Variants in DOCK5 observed in about 807,000 individuals in gnomAD.
The protein encoded by DOCK5 is dedicator of cytokinesis 5.
In DOCK5, 142 loss-of-function variants were observed where a neutral mutation model predicts 251.8. That is an observed-to-expected ratio of 0.56 (90% CI 0.49 to 0.65). The LOEUF is 0.65. Among genes scored for constraint, DOCK5 ranks in the 30% least tolerant of loss-of-function variants. The pLI is 0.00. For missense variants in DOCK5, 2,111 were observed against 2,312.3 expected, an observed-to-expected ratio of 0.91 and a Z score of 1.79; for synonymous variants, 842 against 835.5, an observed-to-expected ratio of 1.01 and a Z score of -0.13.
rs758994229 is a variant in DOCK5 at position 25,310,543 on chromosome 8, T to C, written c.1318+11T>C. On this transcript the variant is annotated intron_variant, in intron 13 of 51. Coordinates refer to ENST00000276440, the MANE Select transcript of DOCK5 (RefSeq NM_024940.8). ...AAATCATACTGCCAGGTAAGCACTTTGCATGGCTCACCTGTTTGCTTCCTC... is the reference window on the plus strand; with the variant it reads ...AAATCATACTGCCAGGTAAGCACTTCGCATGGCTCACCTGTTTGCTTCCTC... 3.1e-6 allele frequency: 5 copies of C among 1,602,024 alleles called. No homozygotes were observed. The highest frequency in any genetic ancestry group is 1.7e-4 in the Middle Eastern group (1 of 6,000).
intron 40 of DOCK5, among the ~76,000 whole-genome samples, chr8:25,386,736 C>T (rs1280775368): frequency 6.6e-6 from 1 of 152,196 alleles, no homozygotes; most frequent in Non-Finnish European, 1.5e-5. Flanking sequence ...CCCATGAAAT[C>T]AGAAATGTGA....
intron 23 of DOCK5, 54 bp downstream of exon 23, chr8:25,341,042 T>G: frequency 7.1e-7 from 1 of 1,406,398 alleles, no homozygotes; most frequent in Non-Finnish European, 9.9e-7. Context: ...AAGGATGTTC[T>G]GGGACCGCTT....
At chr8:25,243,109 C>T (rs956351521) in intron 1 of DOCK5, among the ~76,000 whole-genome samples, 1 of 152,172 alleles carries the variant, frequency 6.6e-6, no homozygotes, top group African/African-American at 2.4e-5. Context: ...TTTCTTCCTT[C>T]CACTCAACTG....
chr8:25,410,988 CA>C, intron 51 of DOCK5, among the ~76,000 whole-genome samples: 1 of 109,470 alleles, frequency 9.1e-6, no homozygotes, highest in South Asian at 3.0e-4. Context: ...CGCGCGCACG[CA>C]CGCACGCACG....
chr8:25,336,056 G>A (rs1199406571), intron 21 of DOCK5, among the ~76,000 whole-genome samples, 183 bp from the exon 22 acceptor site: 2 of 152,200 alleles, frequency 1.3e-5, no homozygotes, highest in Non-Finnish European at 2.9e-5. Context: ...TCCAAACCTA[G>A]ATGGCAGATG....
At position 25,372,688 on chromosome 8, in the gene DOCK5, G is replaced by T; in HGVS notation, c.3654G>T (p.Glu1218Asp). 6.2e-7 allele frequency: 1 copy of T among 1,611,514 alleles called. No individual in the cohort carries two copies. Among genetic ancestry groups the T allele is most frequent in the South Asian group, 1.1e-5 (1 of 90,490 alleles). The part of the protein sequence containing the change: ...RTIIMQDESK[E>D]NRMSCTVNVL... The stretch of plus-strand genomic sequence containing the variant: ...TCATCATGCAAGATGAGAGCAAGGA[G>T]AACCGTATGAGCTGCACTGTGAACG... Residue 1218 changes from glutamate (E) to aspartate (D), a missense_variant, in exon 35 of 52, where the codon GAG (glutamate) becomes GAT (aspartate). Physicochemically the swap from Glu to Asp is conservative, Grantham distance 45. Coordinates refer to ENST00000276440, the MANE Select transcript of DOCK5 (RefSeq NM_024940.8).
chr8:25,307,424 C>T (rs529731018), intron 11 of DOCK5, among the ~76,000 whole-genome samples: 3 of 152,010 alleles, frequency 2.0e-5, no homozygotes, highest in South Asian at 2.1e-4. Context: ...TGGCCAGCTC[C>T]GTTATAATCT....
chr8:25,307,766 T>C (rs1804983873), intron 11 of DOCK5, among the ~76,000 whole-genome samples: 1 of 152,160 alleles, frequency 6.6e-6, no homozygotes, highest in Admixed American at 6.5e-5. Context: ...CTGCCTTAAT[T>C]TCATTACTGC....
At chr8:25,223,945 T>C (rs1389351254) in intron 1 of DOCK5, among the ~76,000 whole-genome samples, 2 of 152,182 alleles carry the variant, frequency 1.3e-5, no homozygotes, top group African/African-American at 2.4e-5. Context: ...ACAGCACTTA[T>C]CACCTCCAAT....
chr8:25,387,984 A>G (rs562510576), intron 40 of DOCK5, among the ~76,000 whole-genome samples: 1 of 152,314 alleles, frequency 6.6e-6, no homozygotes, highest in East Asian at 1.9e-4. Flanking sequence ...GAATGATGGA[A>G]TTTCAACAGG....
chr8:25,358,865 CAGTG>C, intron 27 of DOCK5, 94 bp from the exon 28 acceptor site: 1 of 993,512 alleles, frequency 1.0e-6, no homozygotes, highest in Non-Finnish European at 1.6e-6. Flanking sequence ...CTGCGTGGCT[CAGTG>C]GGTGGGAAAA....
Position 25,400,507 on chromosome 8 carries a change from A to AAAAAAAAAG in DOCK5, c.4789-418_4789-417insAAAAGAAAA, listed in dbSNP as rs1177140101. On this transcript the variant is annotated intron_variant, in intron 46 of 51. Coordinates refer to ENST00000276440, the MANE Select transcript of DOCK5 (RefSeq NM_024940.8). Reference sequence around the variant, plus strand: ...AGTGAGACTCCATCTCAAAAAAAAAAAAAAGAAAAGTTCATCTGTTGGTTT... The same window carrying AAAAAAAAAG: ...AGTGAGACTCCATCTCAAAAAAAAAAAAAAAAAAGAAAAGAAAAGTTCATCTGTTGGTTT... Among the ~76,000 whole-genome samples, 53 of 151,290 alleles carry AAAAAAAAAG rather than the reference A, an allele frequency of 3.5e-4. 3 individuals are homozygous for AAAAAAAAAG. The East Asian group carries it at 5.2e-3, about 15-fold the overall frequency.
chr8:25,383,820 A>G lies in DOCK5; in HGVS notation c.4131+1042A>G, dbSNP rs762475423. Among the ~76,000 whole-genome samples the G allele has an allele frequency of 1.1e-4, 16 of 152,138 alleles. 1 individual carries two copies. The highest frequency in any genetic ancestry group is 5.9e-4 in the Admixed American group (9 of 15,254). On this transcript the variant is annotated intron_variant, in intron 40 of 51. Transcript: ENST00000276440. ...CATTGAGCCGAGATCACACCACTGC[A>G]CTCCATCCTAGGTGACAGAGCGAGA...
At chr8:25,373,109 C>T (rs1800903724) in intron 35 of DOCK5, among the ~76,000 whole-genome samples, 1 of 151,568 alleles carries the variant, frequency 6.6e-6, no homozygotes, top group Non-Finnish European at 1.5e-5. Flanking sequence ...AAGCAATTTT[C>T]CTGCCTCAGC....
intron 1 of DOCK5, among the ~76,000 whole-genome samples, chr8:25,188,679 G>A (rs942060182): frequency 2.0e-5 from 3 of 152,162 alleles, no homozygotes; most frequent in Non-Finnish European, 4.4e-5. Flanking sequence ...GATCTCAATG[G>A]TTTCTGTGTG....
At chr8:25,235,607 AT>A (rs1277389372) in intron 1 of DOCK5, among the ~76,000 whole-genome samples, 2 of 152,074 alleles carry the variant, frequency 1.3e-5, no homozygotes, top group Non-Finnish European at 1.5e-5. Context: ...TGCTGTAAGC[AT>A]TTCATATAAA....
chr8:25,235,329 C>T (rs948358351), intron 1 of DOCK5, among the ~76,000 whole-genome samples: 6 of 152,254 alleles, frequency 3.9e-5, no homozygotes, highest in African/African-American at 1.4e-4. Flanking sequence ...GCTACAATCT[C>T]AGCTCACTGA....
intron 2 of DOCK5, among the ~76,000 whole-genome samples, chr8:25,252,384 C>T (rs113370397): frequency 0.016 from 2,443 of 152,234 alleles, 24 homozygotes; most frequent in Non-Finnish European, 0.025. Flanking sequence ...TTTTGTTACC[C>T]GCTAATTAAA....
At chr8:25,313,446 A>C (rs1284209633) in intron 13 of DOCK5, among the ~76,000 whole-genome samples, 1 of 151,968 alleles carries the variant, frequency 6.6e-6, no homozygotes, top group Non-Finnish European at 1.5e-5. Context: ...GTGACCCCTC[A>C]CTTTTCTCTG....
Sources: gnomAD v4.1 joint callset for allele counts (sites outside exome capture counted in the v4.1 genomes callset) on GRCh38, gnomAD v4.1.1 for gene constraint, MANE v1.5 for transcripts, NCBI Gene and HGNC (gene_info 2026-07-23, HGNC 2026-07-21) for gene names.